SRGAP2B: variants seen among roughly 807,000 people sequenced by gnomAD.
SRGAP2B encodes the protein SLIT-ROBO Rho GTPase-activating protein 2B.
In SRGAP2B, 9 loss-of-function variants were observed where a neutral mutation model predicts 22.2. The observed-to-expected ratio is 0.41, with a 90% confidence interval of 0.24 to 0.71. The LOEUF is 0.71. Among genes scored for constraint, SRGAP2B ranks in the 30% least tolerant of loss-of-function variants. The pLI is 0.35. For missense variants in SRGAP2B, 114 were observed against 235.8 expected, an observed-to-expected ratio of 0.48 and a Z score of 3.38; for synonymous variants, 36 against 87.4, an observed-to-expected ratio of 0.41 and a Z score of 3.28.
At chr1:144,910,518 G>A (rs1433930681) in intron 5 of SRGAP2B, among the ~76,000 whole-genome samples, 2 of 149,996 alleles carry the variant, frequency 1.3e-5, no homozygotes, top group African/African-American at 5.0e-5. Context: ...GATGCTCCAA[G>A]CCAAGGGGAT....
chr1:145,042,218 A>T (rs1453178575), intron 2 of SRGAP2B, among the ~76,000 whole-genome samples: 11 of 150,710 alleles, frequency 7.3e-5, no homozygotes, highest in Non-Finnish European at 1.5e-4. Context: ...CAGCTCTGGT[A>T]AAAAGGTTAG....
chr1:145,000,079 GT>G (rs1671024245), intron 2 of SRGAP2B, among the ~76,000 whole-genome samples: 2 of 142,780 alleles, frequency 1.4e-5, no homozygotes, highest in Admixed American at 1.4e-4. Context: ...CGGATTCTTG[GT>G]TTCCATTTCC....
intron 5 of SRGAP2B, among the ~76,000 whole-genome samples, chr1:144,909,200 A>G (rs1663219674): frequency 6.7e-6 from 1 of 150,278 alleles, no homozygotes; most frequent in Admixed American, 6.6e-5. Flanking sequence ...AGAGTGAGCC[A>G]GGAAGCAGCC....
intron 2 of SRGAP2B, among the ~76,000 whole-genome samples, chr1:145,066,689 G>A (rs1651528989): frequency 6.6e-6 from 1 of 151,924 alleles, no homozygotes; most frequent in South Asian, 2.1e-4. Flanking sequence ...AAGCACCCCA[G>A]CCCGGGAGCA....
At chr1:144,952,385 T>C (rs1666940276) in intron 4 of SRGAP2B, among the ~76,000 whole-genome samples, 1 of 146,756 alleles carries the variant, frequency 6.8e-6, no homozygotes, top group African/African-American at 2.6e-5. Flanking sequence ...CTAATTCATG[T>C]GCAAGGACAC....
Position 144,943,613 on chromosome 1 carries a change from AG to A in SRGAP2B, c.423+11825del, listed in dbSNP as rs1217237629. Among the ~76,000 whole-genome samples the A allele has an allele frequency of 5.5e-3, 624 of 112,814 alleles. 17 individuals are homozygous for A. The highest frequency in any genetic ancestry group is 0.021 in the African/African-American group (576 of 27,828). 74.0% of individuals were successfully genotyped at this position (112,814 alleles called of 152,430 possible). A position where few individuals can be genotyped will look rare whatever the true frequency, so the allele number is the denominator to read the frequency against. On this transcript the variant is annotated intron_variant, in intron 4 of 9. Transcript: ENST00000612199. The stretch of plus-strand genomic sequence containing the variant: ...GAAGAGAAGGCAGAGGGGAGAAGGA[AG>A]GGGGGGAGGGAGAGAGACAGAGGAG...
At chr1:144,888,697 GTCT>G (rs1362487182) in exon 10 of SRGAP2B, 3 of 31,692 alleles carry the variant, frequency 9.5e-5, no homozygotes, top group Non-Finnish European at 1.7e-4. Flanking sequence ...AAAGTGTAGG[GTCT>G]TCTTATGACA....
rs1486930398 is a variant in SRGAP2B at position 145,084,041 on chromosome 1, C to T, written c.67+8794G>A. 5.8e-5 allele frequency among the ~76,000 whole-genome samples: 8 copies of T among 136,930 alleles called. No individual in the cohort carries two copies. The South Asian group carries it at 9.4e-4, about 16-fold the overall frequency. 89.8% of individuals were successfully genotyped at this position (136,930 alleles called of 152,430 possible). A position where few individuals can be genotyped will look rare whatever the true frequency, so the allele number is the denominator to read the frequency against. On this transcript the variant is annotated intron_variant, in intron 2 of 9. Coordinates refer to ENST00000612199, the Ensembl canonical transcript of SRGAP2B. ...GGAATCCCAGAAACGTTGGGCTTTA[C>T]CAGAAAGGTGAGATTTCTTTCTTTC... is the stretch of plus-strand genomic sequence containing the variant.
At position 144,995,098 on chromosome 1, in the gene SRGAP2B, G is replaced by A. The variant is rs781934882; in HGVS notation, c.170C>T (p.Ala57Val). 24 of 1,488,134 alleles carry A rather than the reference G, an allele frequency of 1.6e-5. No individual in the cohort carries two copies. The South Asian group carries it at 3.0e-4, about 18-fold the overall frequency. The allele number at this position is 1,488,134 out of a possible 1,614,324, so 92.2% of individuals were successfully genotyped here. A position where few individuals can be genotyped will look rare whatever the true frequency, so the allele number is the denominator to read the frequency against. Residue 57 changes from alanine (A) to valine (V), a missense_variant, in exon 3 of 10, where the codon GCA (alanine) becomes GTA (valine). Around this residue, in one of 2 missense-constraint regions of SRGAP2B, gnomAD observed 95 missense variants for 139.0 expected, o/e 0.68. Coordinates refer to ENST00000612199, the Ensembl canonical transcript of SRGAP2B. ...GCGGGAGTAGTCCATCTCAATCTCT[G>A]CCTTCTTTCGGAAGAAGTCCTGGAG... is the stretch of plus-strand genomic sequence containing the variant.
chr1:144,934,179 T>C (rs1553606040), intron 4 of SRGAP2B, among the ~76,000 whole-genome samples: 1 of 149,766 alleles, frequency 6.7e-6, no homozygotes, highest in Non-Finnish European at 1.5e-5. Flanking sequence ...CCGAGGCGGG[T>C]GGATCACCTG....
intron 2 of SRGAP2B, among the ~76,000 whole-genome samples, chr1:145,044,526 T>C (rs1649522570): frequency 7.0e-6 from 1 of 142,562 alleles, no homozygotes; most frequent in Non-Finnish European, 1.5e-5. Flanking sequence ...AATGTAAATG[T>C]TTAGGGAGAT....
chr1:144,952,457 T>C (rs1296326874), intron 4 of SRGAP2B, among the ~76,000 whole-genome samples: 4 of 149,402 alleles, frequency 2.7e-5, no homozygotes, highest in Non-Finnish European at 4.4e-5. Flanking sequence ...TGCCCATTAC[T>C]AGAAAGCAGA....
intron 3 of SRGAP2B, among the ~76,000 whole-genome samples, chr1:144,991,373 A>C (rs1406360900): frequency 1.3e-5 from 2 of 150,408 alleles, no homozygotes; most frequent in African/African-American, 5.0e-5. Flanking sequence ...AAGTGCACCA[A>C]TCGACACTCT....
chr1:145,058,063 G>C (rs1350095066), intron 2 of SRGAP2B, among the ~76,000 whole-genome samples: 3 of 148,182 alleles, frequency 2.0e-5, no homozygotes, highest in South Asian at 4.3e-4. Context: ...AAGTGCAAAG[G>C]TCAGGTTCAG....
intron 4 of SRGAP2B, among the ~76,000 whole-genome samples, chr1:144,923,878 T>TTC (rs1223710463): frequency 1.4e-5 from 1 of 73,724 alleles, no homozygotes; most frequent in African/African-American, 6.3e-5. Context: ...ATTAAATACT[T>TTC]TTAAGAAAGA....
chr1:144,911,696 C>T (rs1422246707), intron 5 of SRGAP2B, among the ~76,000 whole-genome samples: 1 of 148,540 alleles, frequency 6.7e-6, no homozygotes, highest in Non-Finnish European at 1.5e-5. Context: ...TGGCTCACTG[C>T]AAGCTCTGCC....
chr1:144,905,297 T>C lies in SRGAP2B; in HGVS notation c.703-78A>G. On this transcript the variant is annotated intron_variant, in intron 6 of 9. Coordinates refer to ENST00000612199, the Ensembl canonical transcript of SRGAP2B. ...TTCTCTAAAAGATAAAAGTACAGTG[T>C]ATTCAAGAACTACAATTGTGTTGCT... 6 of 636,816 alleles carry C rather than the reference T, an allele frequency of 9.4e-6. No homozygotes were observed. The South Asian group carries it at 1.2e-4, about 12-fold the overall frequency. 39.4% of individuals were successfully genotyped at this position (636,816 alleles called of 1,614,324 possible).
At chr1:144,941,191 T>TG (rs1463232621) in intron 4 of SRGAP2B, among the ~76,000 whole-genome samples, 1 of 143,234 alleles carries the variant, frequency 7.0e-6, no homozygotes, top group Non-Finnish European at 1.5e-5. Context: ...CTTTAACAAT[T>TG]GAAAAAACCC....
chr1:144,911,732 C>T (rs1291660263), intron 5 of SRGAP2B, among the ~76,000 whole-genome samples: 89 of 148,238 alleles, frequency 6.0e-4, no homozygotes, highest in Non-Finnish European at 1.1e-3. Flanking sequence ...ATTCTCCTGC[C>T]TCAGCCTCCT....
Sources: gnomAD v4.1 joint callset for allele counts (sites outside exome capture counted in the v4.1 genomes callset) on GRCh38, gnomAD v4.1.1 for gene constraint, gnomAD v4.1.1 regional missense constraint, MANE v1.5 for transcripts, NCBI Gene and HGNC (gene_info 2026-07-23, HGNC 2026-07-21) for gene names.